The following TECTB variants were observed in gnomAD, a reference collection of about 807,000 sequenced individuals.
The protein encoded by TECTB is tectorin beta.
In TECTB, 45 loss-of-function variants were observed where a neutral mutation model predicts 43.3. That is an observed-to-expected ratio of 1.04 (90% CI 0.82 to 1.33). TECTB has a LOEUF of 1.33. Ranked by LOEUF, TECTB falls within the 40% of genes most tolerant of loss-of-function variation. The pLI is 0.00. For missense variants in TECTB, 399 were observed against 404.7 expected (o/e 0.99, Z 0.12); for synonymous variants, 169 against 156.7 (o/e 1.08, Z -0.59).
chr10:112,303,208 T>C, intron 10 of TECTB, 55 bp from the exon 11 acceptor site: 1 of 1,607,984 alleles, frequency 6.2e-7, no homozygotes, highest in South Asian at 1.1e-5. Flanking sequence ...TTGAGTTGGC[T>C]TTACCCTTGT....
At chr10:112,300,279 A>AAAGAAAGAAAGAAAAGAAAGAAAG (rs1361291056) in intron 9 of TECTB, among the ~76,000 whole-genome samples, 68 of 48,304 alleles carry the variant, frequency 1.4e-3, no homozygotes, top group Non-Finnish European at 1.9e-3. Context: ...AGAAAGAAAG[A>AAAGAAAGAAAGAAAAGAAAGAAAG]AAAGAAAGAA....
rs145485468 is a variant in TECTB at position 112,287,215 on chromosome 10, T to C, written c.483+824T>C. ...TCTTTGGTCTCTAAAGCCTTTCAAG[T>C]AGCATTTCCTCCTTGCTTAATTTGG... is the stretch of plus-strand genomic sequence containing the variant. On this transcript the variant is annotated intron_variant, in intron 5 of 10. Coordinates refer to ENST00000646139, the MANE Select transcript of TECTB (RefSeq NM_058222.3). Among the ~76,000 whole-genome samples the C allele has an allele frequency of 5.6e-4, 86 of 152,364 alleles. 1 individual carries two copies. The East Asian group carries it at 0.015, about 27-fold the overall frequency.
At chr10:112,299,934 G>A (rs1848583677) in intron 9 of TECTB, among the ~76,000 whole-genome samples, 2 of 151,708 alleles carry the variant, frequency 1.3e-5, no homozygotes, top group African/African-American at 2.4e-5. Context: ...AGGCCGAGGT[G>A]GGCAGATCAC....
chr10:112,292,025 A>G (rs938173516), intron 5 of TECTB, among the ~76,000 whole-genome samples: 2 of 151,804 alleles, frequency 1.3e-5, no homozygotes, highest in African/African-American at 4.8e-5. Flanking sequence ...AGTCGCAGCT[A>G]CTCGGGATGC....
chr10:112,294,727 C>A (rs1308775805), intron 7 of TECTB, among the ~76,000 whole-genome samples: 2 of 152,104 alleles, frequency 1.3e-5, no homozygotes, highest in East Asian at 3.9e-4. Context: ...GAGGCCCTGG[C>A]AGCTATTGTG....
chr10:112,303,644 G>T lies in TECTB; in HGVS notation c.*332G>T. ...TTAAAAGGTTAGCAGACCCAACCAA[G>T]TACTGCTGAGCATTTTGAAGAGAAT... On this transcript the variant is annotated 3_prime_UTR_variant, in exon 11 of 11. Coordinates refer to ENST00000646139, the MANE Select transcript of TECTB (RefSeq NM_058222.3). 1 of 305,876 alleles carries T rather than the reference G, an allele frequency of 3.3e-6. No homozygotes were observed. The highest frequency in any genetic ancestry group is 5.9e-5 in the East Asian group (1 of 16,982). The allele number at this position is 305,876 out of a possible 1,614,324, so 18.9% of individuals were successfully genotyped here. A position where few individuals can be genotyped will look rare whatever the true frequency, so the allele number is the denominator to read the frequency against.
chr10:112,302,950 G>C (rs1848625050), intron 10 of TECTB: 1 of 379,034 alleles, frequency 2.6e-6, no homozygotes, highest in Non-Finnish European at 4.8e-6. Flanking sequence ...ATCATTACAG[G>C]AGAATCATGT....
At position 112,303,249 on chromosome 10, in the gene TECTB, C is replaced by T. The variant is rs771784210; in HGVS notation, c.941-14C>T. ...TGTCTCTGAGTGCCATCTCCCTCCCCTTCTGGTCCACAGATGTTCTCCACC... is the reference window on the plus strand; with the variant it reads ...TGTCTCTGAGTGCCATCTCCCTCCCTTTCTGGTCCACAGATGTTCTCCACC... On this transcript the variant is annotated splice_polypyrimidine_tract_variant and intron_variant, in intron 10 of 10. Transcript: ENST00000646139. 5.0e-6 allele frequency: 8 copies of T among 1,613,956 alleles called. No homozygotes were observed. Among genetic ancestry groups the T allele is most frequent in the Non-Finnish European group, 2.5e-6 (3 of 1,179,964 alleles).
chr10:112,294,488 T>C (rs1351540412), intron 7 of TECTB, among the ~76,000 whole-genome samples: 1 of 152,200 alleles, frequency 6.6e-6, no homozygotes, highest in African/African-American at 2.4e-5. Context: ...TGATGATGAC[T>C]AAATTAAATA....
intron 9 of TECTB, among the ~76,000 whole-genome samples, chr10:112,300,316 A>G (rs1005247705): frequency 1.2e-4 from 15 of 124,012 alleles, no homozygotes; most frequent in Non-Finnish European, 2.2e-4. Flanking sequence ...AGAAAGAAAG[A>G]AAGAGAAAGA....
At chr10:112,291,467 A>G in intron 5 of TECTB, among the ~76,000 whole-genome samples, 1 of 152,238 alleles carries the variant, frequency 6.6e-6, no homozygotes, top group South Asian at 2.1e-4. Context: ...CACTATTCAC[A>G]ATAGCAAAGC....
intron 5 of TECTB, among the ~76,000 whole-genome samples, chr10:112,293,186 G>A (rs1207634322): frequency 6.6e-6 from 1 of 152,192 alleles, no homozygotes. Context: ...TGCTTTGTTC[G>A]CTAACAAAAT....
rs1371738258 is a variant in TECTB at position 112,303,787 on chromosome 10, C to A, written c.*475C>A. 1 of 160,054 alleles carries A rather than the reference C, an allele frequency of 6.2e-6. No individual in the cohort carries two copies. Among genetic ancestry groups the A allele is most frequent in the Non-Finnish European group, 1.4e-5 (1 of 72,114 alleles). The allele number at this position is 160,054 out of a possible 1,614,324, so 9.9% of individuals were successfully genotyped here. A position where few individuals can be genotyped will look rare whatever the true frequency, so the allele number is the denominator to read the frequency against. On this transcript the variant is annotated 3_prime_UTR_variant, in exon 11 of 11. Coordinates refer to ENST00000646139, the MANE Select transcript of TECTB (RefSeq NM_058222.3). ...TTCTACTTAAGGACCAGAGCTGAGC[C>A]CCCACGCAGGGAGTTCCAATCTTTC...
At chr10:112,288,343 A>G (rs1848471704) in intron 5 of TECTB, among the ~76,000 whole-genome samples, 1 of 152,042 alleles carries the variant, frequency 6.6e-6, no homozygotes, top group African/African-American at 2.4e-5. Flanking sequence ...TTCTTAAAAA[A>G]AAATAATAAT....
rs146638115 is a variant in TECTB at position 112,295,807 on chromosome 10, C to T, written c.671+1746C>T. Among the ~76,000 whole-genome samples, 580 of 152,336 alleles carry T rather than the reference C, an allele frequency of 3.8e-3. 3 individuals are homozygous for T. Among genetic ancestry groups the T allele is most frequent in the Middle Eastern group, 6.8e-3 (2 of 294 alleles). ...CATCTCTCTGCAGGGAGTTCTAGTG[C>T]CGTTGTTCCCATCTGGCAGATGTGC... is the stretch of plus-strand genomic sequence containing the variant. On this transcript the variant is annotated intron_variant, in intron 7 of 10. Transcript: ENST00000646139.
intron 7 of TECTB, among the ~76,000 whole-genome samples, chr10:112,294,499 A>G (rs534390256): frequency 4.1e-4 from 62 of 152,314 alleles, no homozygotes; most frequent in Middle Eastern, 3.4e-3. Flanking sequence ...AAATTAAATA[A>G]TCGATATCAA....
chr10:112,294,046 A>G lies in TECTB; in HGVS notation c.656A>G (p.Gln219Arg). The G allele has an allele frequency of 6.2e-7, 1 of 1,614,104 alleles. No individual in the cohort carries two copies. Among genetic ancestry groups the G allele is most frequent in the Non-Finnish European group, 8.5e-7 (1 of 1,179,972 alleles). The change falls in exon 7 of 11, where the codon CAG becomes CGG. Residue 219 changes from glutamine (Q) to arginine (R), a missense_variant. Transcript: ENST00000646139. ...SADFMYPLQW[Q>R]LINKGCPTDE... The stretch of plus-strand genomic sequence containing the variant: ...GACTTCATGTATCCCTTGCAGTGGC[A>G]GCTGATCAACAAGGGGTAGGTACAC...
intron 9 of TECTB, among the ~76,000 whole-genome samples, chr10:112,300,693 G>C (rs997547957): frequency 3.9e-5 from 6 of 152,204 alleles, no homozygotes; most frequent in Admixed American, 2.6e-4. Context: ...CACAGGAAAT[G>C]CTCATTGTAG....
chr10:112,303,544 C>T lies in TECTB; in HGVS notation c.*232C>T, dbSNP rs1848630164. 2 of 552,266 alleles carry T rather than the reference C, an allele frequency of 3.6e-6. No individual in the cohort carries two copies. The highest frequency in any genetic ancestry group is 2.6e-5 in the South Asian group (1 of 38,776). The allele number at this position is 552,266 out of a possible 1,614,324, so 34.2% of individuals were successfully genotyped here. ...GCCCTTAGATCTCACAGTCCTTCTACAGCTGGGGGAGGAGCCTCCTTTCTC... is the reference window on the plus strand; with the variant it reads ...GCCCTTAGATCTCACAGTCCTTCTATAGCTGGGGGAGGAGCCTCCTTTCTC... On this transcript the variant is annotated 3_prime_UTR_variant, in exon 11 of 11. Coordinates refer to ENST00000646139, the MANE Select transcript of TECTB (RefSeq NM_058222.3).
Sources: allele counts gnomAD v4.1 joint callset (sites outside exome capture counted in the v4.1 genomes callset), GRCh38; gene constraint gnomAD v4.1.1; transcripts MANE v1.5; gene names NCBI Gene and HGNC (gene_info 2026-07-23, HGNC 2026-07-21).